Variants in CLASP2 observed in about 807,000 individuals in gnomAD.
The protein encoded by CLASP2 is CLIP-associating protein 2.
Under a neutral mutation model 194.4 loss-of-function variants are expected in CLASP2, and 47 were observed. The ratio of observed to expected loss-of-function variants is 0.24; its 90% confidence interval spans 0.19 to 0.31. The LOEUF is 0.31. CLASP2 is among the 10% of genes least tolerant of loss of function. The pLI, the probability that CLASP2 is intolerant of heterozygous loss-of-function variation, is 1.00. For missense variants in CLASP2, 1,445 were observed against 1,823.6 expected (o/e 0.79, Z 3.78); for synonymous variants, 619 against 633.5 (o/e 0.98, Z 0.34).
chr3:33,556,012 T>C (rs2060858007), intron 29 of CLASP2, among the ~76,000 whole-genome samples: 1 of 152,212 alleles, frequency 6.6e-6, no homozygotes, highest in Admixed American at 6.5e-5. Flanking sequence ...CATGCATTCT[T>C]TTTCAGAGAA....
At chr3:33,502,695 T>C (rs1304647490) in intron 37 of CLASP2, 1 of 152,176 alleles carries the variant, frequency 6.6e-6, no homozygotes, top group Non-Finnish European at 1.5e-5. Context: ...AATATGCACA[T>C]TTTACTCCAG....
intron 12 of CLASP2, among the ~76,000 whole-genome samples, chr3:33,615,374 T>G (rs1280285984): frequency 1.3e-5 from 1 of 78,906 alleles, no homozygotes; most frequent in African/African-American, 5.1e-5. Context: ...ACTTCTAAAT[T>G]ACAAAAAAAA....
intron 1 of CLASP2, among the ~76,000 whole-genome samples, chr3:33,716,550 T>A (rs943232460): frequency 6.6e-6 from 1 of 152,204 alleles, no homozygotes; most frequent in Non-Finnish European, 1.5e-5. Flanking sequence ...TCTACAACAG[T>A]CTATGCTGTA....
At chr3:33,585,236 G>A (rs1408526839) in intron 21 of CLASP2, among the ~76,000 whole-genome samples, 1 of 152,138 alleles carries the variant, frequency 6.6e-6, no homozygotes, top group Non-Finnish European at 1.5e-5. Flanking sequence ...GATTTCCAAA[G>A]AAATCACTTA....
At chr3:33,651,211 C>T (rs2083134606) in intron 7 of CLASP2, among the ~76,000 whole-genome samples, 1 of 151,964 alleles carries the variant, frequency 6.6e-6, no homozygotes, top group Admixed American at 6.6e-5. Flanking sequence ...GGTGAAACCT[C>T]ATCTCTACAA....
intron 11 of CLASP2, 46 bp downstream of exon 11, chr3:33,622,089 T>C (rs2077208871): frequency 7.4e-7 from 1 of 1,359,412 alleles, no homozygotes; most frequent in Non-Finnish European, 9.8e-7. Context: ...CAGTGAATAC[T>C]AAATTCATTC....
chr3:33,599,255 G>A (rs56266886), intron 18 of CLASP2, among the ~76,000 whole-genome samples: 3,910 of 152,144 alleles, frequency 0.026, 176 homozygotes, highest in African/African-American at 0.089. Flanking sequence ...CTCCCTAGTA[G>A]ATGGGCCCAC....
At chr3:33,712,891 G>A (rs1402456782) in intron 1 of CLASP2, among the ~76,000 whole-genome samples, 1 of 151,844 alleles carries the variant, frequency 6.6e-6, no homozygotes, top group African/African-American at 2.4e-5. Context: ...GAACCCAGGA[G>A]GTGGAGGTTG....
chr3:33,507,705 A>G (rs1462625422), intron 37 of CLASP2, among the ~76,000 whole-genome samples: 2 of 152,072 alleles, frequency 1.3e-5, no homozygotes, highest in Non-Finnish European at 2.9e-5. Context: ...GCTGGTCTCC[A>G]ACTCCTGGGC....
chr3:33,516,598 T>TG (rs2051388092), intron 35 of CLASP2, among the ~76,000 whole-genome samples: 1 of 152,028 alleles, frequency 6.6e-6, no homozygotes. Context: ...GCCTGGGAGA[T>TG]GGAGGTTGCA....
chr3:33,654,970 C>G (rs1177549932), intron 7 of CLASP2, among the ~76,000 whole-genome samples: 1 of 152,088 alleles, frequency 6.6e-6, no homozygotes, highest in Admixed American at 6.5e-5. Flanking sequence ...AGACTTTGAA[C>G]AGTCCAATGA....
intron 33 of CLASP2, among the ~76,000 whole-genome samples, chr3:33,537,813 C>CA (rs1269188882): frequency 1.3e-5 from 2 of 151,710 alleles, no homozygotes; most frequent in Non-Finnish European, 1.5e-5. Context: ...ACCTAACAGG[C>CA]AAAAAAAACT....
intron 26 of CLASP2, among the ~76,000 whole-genome samples, chr3:33,568,724 G>A (rs1420582349): frequency 6.6e-6 from 1 of 151,932 alleles, no homozygotes; most frequent in Admixed American, 6.6e-5. Context: ...GACCCTTATG[G>A]TCTGCAAAGC....
intron 27 of CLASP2, among the ~76,000 whole-genome samples, 200 bp from the exon 28 acceptor site, chr3:33,561,171 A>G (rs1378094001): frequency 6.6e-6 from 1 of 152,226 alleles, no homozygotes; most frequent in East Asian, 1.9e-4. Flanking sequence ...ACTTCTGCAG[A>G]AGTTCGACAA....
At chr3:33,704,402 C>T (rs979146307) in intron 1 of CLASP2, among the ~76,000 whole-genome samples, 2 of 152,016 alleles carry the variant, frequency 1.3e-5, no homozygotes, top group African/African-American at 4.8e-5. Flanking sequence ...AAAAATAAAA[C>T]CTATTAAAAA....
In CLASP2 at chr3:33,516,869, G is replaced by A. The variant is rs115908242; in HGVS notation, c.3981+112C>T. ...CAGTGAAAAGTTCATGCAGAAAGCA[G>A]CAGCAGAAGAGATTCATTCTCCCAA... On this transcript the variant is annotated intron_variant, in intron 35 of 38. Transcript: ENST00000682230. The A allele has an allele frequency of 7.5e-4, 681 of 913,340 alleles. 2 individuals carry two copies. The African/African-American group carries it at 0.01, about 14-fold the overall frequency. The allele number at this position is 913,340 out of a possible 1,614,324, so 56.6% of individuals were successfully genotyped here.
intron 6 of CLASP2, among the ~76,000 whole-genome samples, chr3:33,682,366 A>G (rs2089989350): frequency 6.6e-6 from 1 of 152,214 alleles, no homozygotes; most frequent in African/African-American, 2.4e-5. Flanking sequence ...ACTTGCTTCA[A>G]CATAATACAG....
At chr3:33,577,738 T>A (rs946749394) in intron 23 of CLASP2, among the ~76,000 whole-genome samples, 1 of 152,144 alleles carries the variant, frequency 6.6e-6, no homozygotes, top group Admixed American at 6.5e-5. Flanking sequence ...GGTGATGGTA[T>A]TAGGAGATAG....
At chr3:33,512,688 GAAAAA>G (rs974434369) in intron 36 of CLASP2, among the ~76,000 whole-genome samples, 2 of 78,756 alleles carry the variant, frequency 2.5e-5, no homozygotes, top group East Asian at 3.6e-4. Context: ...ACATACACTG[GAAAAA>G]AAAAAAAAAA....
Sources: allele counts gnomAD v4.1 joint callset (sites outside exome capture counted in the v4.1 genomes callset), GRCh38; gene constraint gnomAD v4.1.1; transcripts MANE v1.5; gene names NCBI Gene and HGNC (gene_info 2026-07-23, HGNC 2026-07-21).